Variants in TNPO3 observed in about 807,000 individuals in gnomAD.
TNPO3 encodes the protein transportin 3.
TNPO3 carries 65 observed loss-of-function variants against 122.8 expected under a neutral mutation model. The ratio of observed to expected loss-of-function variants is 0.53; its 90% CI spans 0.43 to 0.65. The LOEUF (loss-of-function observed/expected upper bound fraction) is 0.65. TNPO3 is among the 30% of genes least tolerant of loss of function. TNPO3 has a pLI of 0.00. For missense variants in TNPO3, 850 were observed against 1,136.7 expected (o/e 0.75, Z 3.63); for synonymous variants, 372 against 411.2 (o/e 0.90, Z 1.15).
intron 1 of TNPO3, among the ~76,000 whole-genome samples, chr7:129,040,475 A>T (rs1807241679): frequency 6.6e-6 from 1 of 152,190 alleles, no homozygotes; most frequent in African/African-American, 2.4e-5. Flanking sequence ...GCATTCAGGT[A>T]TCTGCTAGAG....
intron 1 of TNPO3, among the ~76,000 whole-genome samples, chr7:129,050,266 C>G (rs906478345): frequency 5.9e-5 from 9 of 151,448 alleles, no homozygotes; most frequent in African/African-American, 2.2e-4. Flanking sequence ...CACCTGTAGT[C>G]CCAGCTACTC....
At chr7:129,033,041 T>C (rs1052424892) in intron 1 of TNPO3, among the ~76,000 whole-genome samples, 2 of 152,154 alleles carry the variant, frequency 1.3e-5, no homozygotes, top group African/African-American at 4.8e-5. Context: ...GAAACCCTCC[T>C]GTAAAGGATT....
chr7:128,961,052 C>T (rs1395061127), intron 21 of TNPO3, among the ~76,000 whole-genome samples: 4 of 152,062 alleles, frequency 2.6e-5, no homozygotes, highest in Non-Finnish European at 4.4e-5. Flanking sequence ...TGAGCCACCG[C>T]GCCTGGCCAA....
intron 1 of TNPO3, among the ~76,000 whole-genome samples, chr7:129,040,784 T>C (rs996888561): frequency 6.6e-6 from 1 of 152,172 alleles, no homozygotes; most frequent in Admixed American, 6.5e-5. Flanking sequence ...ATGTATCAAG[T>C]AGAAGCAAAA....
chr7:128,980,379 G>A (rs1302624337), intron 14 of TNPO3, among the ~76,000 whole-genome samples: 4 of 152,178 alleles, frequency 2.6e-5, no homozygotes, highest in Admixed American at 6.5e-5. Context: ...AGGCCAAGGC[G>A]GGTAGATCAC....
At chr7:129,037,018 TAAGA>T (rs1806765687) in intron 1 of TNPO3, among the ~76,000 whole-genome samples, 1 of 152,142 alleles carries the variant, frequency 6.6e-6, no homozygotes, top group Non-Finnish European at 1.5e-5. Context: ...TGAAAAAGGC[TAAGA>T]CACATATAAT....
intron 21 of TNPO3, among the ~76,000 whole-genome samples, chr7:128,963,134 C>A (rs1406952931): frequency 6.6e-6 from 1 of 152,194 alleles, no homozygotes; most frequent in Admixed American, 6.5e-5. Flanking sequence ...ATACTATGTG[C>A]AAGATCTTCT....
At chr7:128,981,298 G>C (rs898828272) in intron 14 of TNPO3, among the ~76,000 whole-genome samples, 1 of 152,106 alleles carries the variant, frequency 6.6e-6, no homozygotes, top group East Asian at 1.9e-4. Context: ...TAACATTCCA[G>C]TTATACATGG....
intron 4 of TNPO3, among the ~76,000 whole-genome samples, chr7:129,009,377 G>C (rs984015781): frequency 2.6e-5 from 4 of 152,214 alleles, no homozygotes. Context: ...ATGAGAAAAG[G>C]TCTTAAGAGG....
chr7:128,955,434 T>C (rs1281761016), intron 22 of TNPO3, 49 bp from the exon 23 acceptor site: 1 of 427,926 alleles, frequency 2.3e-6, no homozygotes, highest in Non-Finnish European at 4.7e-6. Context: ...AAATAGAGCA[T>C]TTAGTAAAAT....
In TNPO3 at chr7:128,997,529, C is replaced by A; in HGVS notation, c.1018G>T (p.Glu340Ter). ...CAGHPQYEVV[E>*]ISFNFWYRLG... ...CGGTACCAAAAGTTAAATGAAATTT[C>A]TACTACCTGTTAGGTTAAAAGAGAT... Residue 340 changes from glutamate to a stop codon, truncating the protein, a stop_gained, in exon 8 of 23, where the codon GAA becomes TAA. Transcript: ENST00000265388. LOFTEE classifies it high-confidence loss of function. 1 of 1,613,206 alleles carries A rather than the reference C, an allele frequency of 6.2e-7. No homozygotes were observed. Among genetic ancestry groups the A allele is most frequent in the South Asian group, 1.1e-5 (1 of 91,026 alleles).
At chr7:129,006,461 A>T (rs373846449) in intron 4 of TNPO3, among the ~76,000 whole-genome samples, 3 of 152,328 alleles carry the variant, frequency 2.0e-5, no homozygotes, top group East Asian at 3.9e-4. Context: ...AAAGAGATAA[A>T]ACAGAATTAG....
intron 4 of TNPO3, among the ~76,000 whole-genome samples, chr7:129,010,912 A>C (rs1465962895): frequency 7.1e-6 from 1 of 141,210 alleles, no homozygotes; most frequent in African/African-American, 2.6e-5. Context: ...GAGACCATAG[A>C]GAAGCTCTAT....
chr7:129,001,164 A>G lies in TNPO3; in HGVS notation c.767T>C (p.Ile256Thr). The change falls in exon 6 of 23, where the codon ATT (isoleucine) becomes ACT (threonine). Residue 256 changes from isoleucine (I) to threonine (T), a missense_variant. Ile to Thr is a moderately conservative substitution (Grantham distance 89). Coordinates refer to ENST00000265388, the MANE Select transcript of TNPO3 (RefSeq NM_012470.4). ...SDCVCSALYAIENVETNLPLA... is the reference protein window; with the variant it reads ...SDCVCSALYATENVETNLPLA... ...TGGCAAGTTAGTCTCCACATTCTCA[A>G]TGGCATAGAGAGCTGAGCATACACA... 1.2e-6 allele frequency: 2 copies of G among 1,614,138 alleles called. No homozygotes were observed. Among genetic ancestry groups the G allele is most frequent in the Non-Finnish European group, 1.7e-6 (2 of 1,180,018 alleles).
intron 1 of TNPO3, chr7:129,029,445 T>C (rs1235716619): frequency 6.5e-6 from 1 of 153,016 alleles, no homozygotes; most frequent in Non-Finnish European, 1.5e-5. Flanking sequence ...TCAGCTTCCA[T>C]GTAGGAAGTA....
chr7:128,975,986 C>A, intron 16 of TNPO3, 51 bp from the exon 17 acceptor site: 1 of 1,295,972 alleles, frequency 7.7e-7, no homozygotes, highest in South Asian at 1.2e-5. Flanking sequence ...CAAAAAGTAC[C>A]AACTTACGAA....
At position 129,022,458 on chromosome 7, in the gene TNPO3, G is replaced by A. The variant is rs1350923202; in HGVS notation, c.121-4301C>T. On this transcript the variant is annotated intron_variant, in intron 1 of 22. Transcript: ENST00000265388. ...AGCCTGGGTGACAGAGCAAGACCCC[G>A]TTTCTTAAAAAAAAAAAAGAAAAGG... Among the ~76,000 whole-genome samples the A allele has an allele frequency of 4.0e-5, 6 of 150,080 alleles. No individual in the cohort carries two copies. In the East Asian group the frequency reaches 1.2e-3, roughly 29 times the overall value.
intron 1 of TNPO3, among the ~76,000 whole-genome samples, chr7:129,037,504 C>T (rs1416054937): frequency 6.6e-6 from 1 of 151,978 alleles, no homozygotes; most frequent in African/African-American, 2.4e-5. Context: ...CATATAGAAC[C>T]CCTGGGACTC....
intron 18 of TNPO3, among the ~76,000 whole-genome samples, chr7:128,974,559 C>T (rs1874332): frequency 0.49 from 73,618 of 151,728 alleles, 18,062 homozygotes; most frequent in African/African-American, 0.5. Context: ...CGCAACAGCA[C>T]GAACAGTTAA....
Sources: gnomAD v4.1 joint callset for allele counts (sites outside exome capture counted in the v4.1 genomes callset) on GRCh38, gnomAD v4.1.1 for gene constraint, MANE v1.5 for transcripts, NCBI Gene and HGNC (gene_info 2026-07-23, HGNC 2026-07-21) for gene names.